The following SCNN1B variants were observed in gnomAD, a reference collection of about 807,000 sequenced individuals.
The protein encoded by SCNN1B is sodium channel epithelial 1 subunit beta, also known as epithelial sodium channel subunit beta.
In SCNN1B, 46 loss-of-function variants were observed where a neutral mutation model predicts 65.3. That is an observed-to-expected ratio of 0.70 (90% CI 0.56 to 0.90). The LOEUF (loss-of-function observed/expected upper bound fraction) is 0.90, where lower values mean the gene tolerates loss of function less well. SCNN1B is among the 40% of genes least tolerant of loss of function. The pLI is 0.00. For missense variants in SCNN1B, 751 were observed against 830.5 expected (o/e 0.90, Z 1.18); for synonymous variants, 349 against 330.6 (o/e 1.06, Z -0.60).
chr16:23,371,261 AG>A, intron 5 of SCNN1B, 37 bp from the exon 6 acceptor site: 1 of 1,611,734 alleles, frequency 6.2e-7, no homozygotes, highest in African/African-American at 1.3e-5. Context: ...CTGCCTCAGG[AG>A]AAAGTTCAGG....
At chr16:23,343,546 GGGAA>G (rs1291468186) in intron 1 of SCNN1B, among the ~76,000 whole-genome samples, 2 of 132,910 alleles carry the variant, frequency 1.5e-5, no homozygotes, top group Admixed American at 8.1e-5. Context: ...GAGGGAGGGA[GGGAA>G]GGAAGGAAGG....
chr16:23,380,622 G>C lies in SCNN1B; in HGVS notation c.1744G>C (p.Val582Leu). 1 of 1,613,772 alleles carries C rather than the reference G, an allele frequency of 6.2e-7. No homozygotes were observed. Among genetic ancestry groups the C allele is most frequent in the Non-Finnish European group, 8.5e-7 (1 of 1,179,872 alleles). ...CCCACCGCCCACCGTGGCCGAGCTG[G>C]TGGAGGCCCACACCAACTTTGGCTT... Reference protein sequence around the residue: ...AGPPPTVAELVEAHTNFGFQP... With the variant: ...AGPPPTVAELLEAHTNFGFQP... The change falls in exon 13 of 13, where the codon GTG becomes CTG. Residue 582 changes from valine to leucine, a missense_variant. Transcript: ENST00000343070. This position sits in a 1 kb window ranked among gnomAD's most constrained non-coding sequence, Gnocchi z 5.4.
intron 2 of SCNN1B, among the ~76,000 whole-genome samples, chr16:23,351,754 C>T (rs1962313666): frequency 6.6e-6 from 1 of 152,220 alleles, no homozygotes. Flanking sequence ...CCATCTCTCA[C>T]TGGCCACCAT....
intron 1 of SCNN1B, among the ~76,000 whole-genome samples, chr16:23,312,026 C>G (rs527615541): frequency 1.4e-4 from 22 of 152,242 alleles, no homozygotes; most frequent in African/African-American, 5.3e-4. Flanking sequence ...CTTCATTACC[C>G]CACTACATTG....
intron 2 of SCNN1B, among the ~76,000 whole-genome samples, chr16:23,349,638 G>A (rs1029738517): frequency 2.0e-5 from 3 of 152,036 alleles, no homozygotes; most frequent in South Asian, 2.1e-4. Flanking sequence ...TCGATTCCAC[G>A]CGTGTTTACG....
chr16:23,341,270 T>C (rs1332523981), intron 1 of SCNN1B, among the ~76,000 whole-genome samples: 1 of 152,118 alleles, frequency 6.6e-6, no homozygotes, highest in Non-Finnish European at 1.5e-5. Context: ...AACAATGAAG[T>C]TGGATTCCTA....
chr16:23,311,116 T>C (rs1961333065), intron 1 of SCNN1B, among the ~76,000 whole-genome samples: 2 of 152,216 alleles, frequency 1.3e-5, no homozygotes, highest in African/African-American at 4.8e-5. Context: ...GAATCTGCCA[T>C]TTCACCCGCA....
intron 4 of SCNN1B, among the ~76,000 whole-genome samples, chr16:23,365,068 G>A (rs1162164092): frequency 6.6e-6 from 1 of 152,026 alleles, no homozygotes; most frequent in Non-Finnish European, 1.5e-5. Context: ...AGAGGTTGCA[G>A]TGAGCTGAGA....
chr16:23,325,823 C>T (rs936871937), intron 1 of SCNN1B, among the ~76,000 whole-genome samples: 3 of 151,516 alleles, frequency 2.0e-5, no homozygotes, highest in Admixed American at 6.6e-5. Context: ...GAGGTCGAGG[C>T]GGAAGGATTT....
At chr16:23,300,989 AAC>A (rs1000029263), upstream of SCNN1B, among the ~76,000 whole-genome samples, 30 of 110,682 alleles carry the variant, frequency 2.7e-4, 1 homozygote, top group South Asian at 5.3e-3. Context: ...ATGTGTTAAA[AAC>A]ACGTGTGTGT....
At chr16:23,279,834 C>T (rs942619779) in intron 1 of SCNN1B, among the ~76,000 whole-genome samples, 1 of 152,158 alleles carries the variant, frequency 6.6e-6, no homozygotes, top group African/African-American at 2.4e-5. Flanking sequence ...GTGGAGGAAG[C>T]CTGCAGAGCT....
intron 2 of SCNN1B, among the ~76,000 whole-genome samples, chr16:23,284,527 A>G (rs956193345): frequency 6.6e-6 from 1 of 152,234 alleles, no homozygotes; most frequent in Non-Finnish European, 1.5e-5. Flanking sequence ...AGCACCTCAC[A>G]TAGTGTTTGG....
chr16:23,355,261 C>G (rs768649030), intron 3 of SCNN1B, 38 bp from the exon 4 acceptor site: 1 of 1,607,698 alleles, frequency 6.2e-7, no homozygotes, highest in Non-Finnish European at 8.5e-7. Flanking sequence ...GCTAGCAGCT[C>G]CCACGCCACC....
rs533683317 is a variant in SCNN1B at position 23,354,038 on chromosome 16, C to G, written c.585+964C>G. ...GGATCCAGGAGGGGACCATACACTC[C>G]CCAGATGGGGAGCCACTGCCTTGCT... On this transcript the variant is annotated intron_variant, in intron 3 of 12. Transcript: ENST00000343070. Among the ~76,000 whole-genome samples, 5 of 152,272 alleles carry G rather than the reference C, an allele frequency of 3.3e-5. No homozygotes were observed. In the East Asian group the frequency reaches 9.7e-4, roughly 29 times the overall value.
At chr16:23,347,207 T>C (rs1238236866) in intron 1 of SCNN1B, among the ~76,000 whole-genome samples, 1 of 152,192 alleles carries the variant, frequency 6.6e-6, no homozygotes, top group Non-Finnish European at 1.5e-5. Flanking sequence ...TTTCCTGTCA[T>C]GTTTCATAGC....
At chr16:23,353,206 T>G in intron 3 of SCNN1B, 132 bp downstream of exon 3, 1 of 1,120,916 alleles carries the variant, frequency 8.9e-7, no homozygotes. Context: ...TTTGCTTGTT[T>G]GCAGAGATTT....
intron 1 of SCNN1B, among the ~76,000 whole-genome samples, chr16:23,312,948 A>T: frequency 6.6e-6 from 1 of 152,296 alleles, no homozygotes. Flanking sequence ...GGAAGGCAGA[A>T]GATACTTTCT....
chr16:23,290,039 T>G (rs984119389), intron 2 of SCNN1B, among the ~76,000 whole-genome samples: 3 of 152,154 alleles, frequency 2.0e-5, no homozygotes, highest in African/African-American at 7.2e-5. Context: ...AGAAACAGGC[T>G]GGGGGAAAAC....
chr16:23,358,603 T>A (rs943362790), intron 4 of SCNN1B: 3 of 152,256 alleles, frequency 2.0e-5, no homozygotes, highest in African/African-American at 7.2e-5. Flanking sequence ...ACTTTTATAA[T>A]AGTTTTATAA....
Sources: allele counts gnomAD v4.1 joint callset (sites outside exome capture counted in the v4.1 genomes callset), GRCh38; gene constraint gnomAD v4.1.1; non-coding constraint Gnocchi (gnomAD v3.1); transcripts MANE v1.5; gene names NCBI Gene and HGNC (gene_info 2026-07-23, HGNC 2026-07-21).